Variants in ITPR2 observed in about 807,000 individuals in gnomAD.
The protein encoded by ITPR2 is inositol 1,4,5-trisphosphate receptor type 2.
In ITPR2, 207 loss-of-function variants were observed where a neutral mutation model predicts 317.1. The ratio of observed to expected loss-of-function variants is 0.65; its 90% CI spans 0.58 to 0.73. ITPR2 has a LOEUF of 0.73. Ranked by LOEUF, ITPR2 falls within the 30% of genes least tolerant of loss-of-function variation. ITPR2 has a pLI of 0.00. For synonymous variants in ITPR2, 1,156 were observed against 1,149.1 expected (o/e 1.01, Z -0.12); for missense variants, 2,613 against 3,284.0 (o/e 0.80, Z 4.99).
intron 55 of ITPR2, among the ~76,000 whole-genome samples, chr12:26,342,046 G>A (rs185667942): frequency 6.6e-6 from 1 of 152,290 alleles, no homozygotes; most frequent in African/African-American, 2.4e-5. Flanking sequence ...ACCTAACAGG[G>A]GCCCATGAAA....
rs148692020 is a variant in ITPR2, at chr12:26,598,205, A to G, written c.4002+940T>C. ...TGCAGATAAGAAAAAGGTGCATTTT[A>G]CAAGCTTAAAATGTTCCTTAAAATG... On this transcript the variant is annotated intron_variant, in intron 30 of 56. Coordinates refer to ENST00000381340, the MANE Select transcript of ITPR2 (RefSeq NM_002223.4). Among the ~76,000 whole-genome samples the G allele has an allele frequency of 4.5e-3, 689 of 152,320 alleles. 1 individual carries two copies. The highest frequency in any genetic ancestry group is 0.016 in the African/African-American group (645 of 41,574).
intron 2 of ITPR2, among the ~76,000 whole-genome samples, chr12:26,771,398 T>G (rs1356945376): frequency 6.6e-6 from 1 of 152,192 alleles, no homozygotes; most frequent in African/African-American, 2.4e-5. Context: ...ATGACAGAGC[T>G]GCCAAGATGG....
chr12:26,589,234 T>C (rs1182734482), intron 32 of ITPR2, among the ~76,000 whole-genome samples: 3 of 152,172 alleles, frequency 2.0e-5, no homozygotes, highest in African/African-American at 2.4e-5. Flanking sequence ...GGAATAAGAA[T>C]GTGAAACAAT....
chr12:26,536,391 TC>T (rs1944091074), intron 37 of ITPR2, among the ~76,000 whole-genome samples: 1 of 152,102 alleles, frequency 6.6e-6, no homozygotes, highest in African/African-American at 2.4e-5. Flanking sequence ...TAGTCCCCTG[TC>T]TTAAACAGCT....
intron 2 of ITPR2, among the ~76,000 whole-genome samples, chr12:26,787,095 GAGGCACTTGGTC>G (rs1310413870): frequency 1.3e-5 from 2 of 152,244 alleles, no homozygotes; most frequent in Admixed American, 6.5e-5. Context: ...GCAAAAGGAT[GAGGCACTTGGTC>G]AGGCACTGTC....
intron 10 of ITPR2, among the ~76,000 whole-genome samples, chr12:26,691,332 G>A (rs1443839689): frequency 1.3e-5 from 2 of 152,054 alleles, no homozygotes; most frequent in African/African-American, 4.8e-5. Flanking sequence ...TAAGAAAAAA[G>A]ACACAGAAAC....
At chr12:26,655,201 T>C (rs938520026) in intron 20 of ITPR2, among the ~76,000 whole-genome samples, 55 of 152,246 alleles carry the variant, frequency 3.6e-4, no homozygotes, top group African/African-American at 1.3e-3. Context: ...TGCCTTTCTT[T>C]ATTACATGCA....
chr12:26,606,190 G>GA (rs10701660), intron 26 of ITPR2, among the ~76,000 whole-genome samples: 83,158 of 148,064 alleles, frequency 0.56, 23,661 homozygotes, highest in East Asian at 0.89. Flanking sequence ...AATGGGCCTA[G>GA]AAAAAAAAAA....
chr12:26,411,728 G>T (rs1354303627), intron 51 of ITPR2, among the ~76,000 whole-genome samples: 2 of 152,106 alleles, frequency 1.3e-5, no homozygotes, highest in East Asian at 1.9e-4. Flanking sequence ...CTCATTCAGG[G>T]TTCTGACTTG....
rs969951629 is a variant in ITPR2 at position 26,556,793 on chromosome 12, T to A, written c.4822-418A>T. ...AGCTTAAAAAAAAAAAAAAAAAAAA[T>A]TCCAGCCAGGTGCGGTGCCTCACGC... is the stretch of plus-strand genomic sequence containing the variant. On this transcript the variant is annotated intron_variant, in intron 35 of 56. Transcript: ENST00000381340. Among the ~76,000 whole-genome samples, 48 of 79,872 alleles carry A rather than the reference T, an allele frequency of 6.0e-4. 1 individual carries two copies. The highest frequency in any genetic ancestry group is 2.6e-3 in the East Asian group (11 of 4,252). The allele number at this position is 79,872 out of a possible 152,430, so 52.4% of individuals were successfully genotyped here. A position where few individuals can be genotyped will look rare whatever the true frequency, so the allele number is the denominator to read the frequency against.
chr12:26,757,375 C>G (rs1949543819), intron 2 of ITPR2, among the ~76,000 whole-genome samples: 1 of 152,078 alleles, frequency 6.6e-6, no homozygotes, highest in Admixed American at 6.5e-5. Flanking sequence ...ACCACCATGC[C>G]TGGCTAATTT....
At position 26,693,665 on chromosome 12, in the gene ITPR2, A is replaced by C. The variant is rs1449358652; in HGVS notation, c.996+1941T>G. ...ATATTTTGGTGTTTTTGATCTGTGG[A>C]TGTTTGAATACACAGATGCAAAACC... is the stretch of plus-strand genomic sequence containing the variant. On this transcript the variant is annotated intron_variant, in intron 10 of 56. Coordinates refer to ENST00000381340, the MANE Select transcript of ITPR2 (RefSeq NM_002223.4). Among the ~76,000 whole-genome samples the C allele has an allele frequency of 2.2e-4, 33 of 152,192 alleles. 1 individual carries two copies. Among genetic ancestry groups the C allele is most frequent in the Admixed American group, 2.1e-3 (32 of 15,284 alleles).
At chr12:26,486,803 C>A in intron 40 of ITPR2, 1 of 626,608 alleles carries the variant, frequency 1.6e-6, no homozygotes, top group Non-Finnish European at 3.0e-6. Flanking sequence ...AGATTTGGGG[C>A]AGTTACTATT....
chr12:26,391,558 T>TC lies in ITPR2; in HGVS notation c.7697-3965_7697-3964insG, dbSNP rs1253958062. Among the ~76,000 whole-genome samples, 241 of 60,454 alleles carry TC rather than the reference T, an allele frequency of 4.0e-3. 15 individuals carry two copies. Among genetic ancestry groups the TC allele is most frequent in the African/African-American group, 0.014 (222 of 16,006 alleles). 39.7% of individuals were successfully genotyped at this position (60,454 alleles called of 152,430 possible). A position where few individuals can be genotyped will look rare whatever the true frequency, so the allele number is the denominator to read the frequency against. On this transcript the variant is annotated intron_variant, in intron 54 of 56. Transcript: ENST00000381340. ...TTCTTCTTCTTCTTCTTCTTTTCCT[T>TC]TTTTTTTTTTTTTTTTTTTTTTTTT... is the stretch of plus-strand genomic sequence containing the variant.
At chr12:26,455,028 T>C (rs1446209835) in intron 45 of ITPR2, among the ~76,000 whole-genome samples, 1 of 152,112 alleles carries the variant, frequency 6.6e-6, no homozygotes, top group Admixed American at 6.6e-5. Flanking sequence ...CTGTTTCTCA[T>C]AGTCTTGACA....
intron 2 of ITPR2, among the ~76,000 whole-genome samples, chr12:26,767,809 A>G (rs1439780904): frequency 6.6e-6 from 1 of 152,204 alleles, no homozygotes; most frequent in Middle Eastern, 3.2e-3. Flanking sequence ...TTCTTCCATT[A>G]TAAATAATCC....
At chr12:26,804,599 T>C (rs906419141) in intron 1 of ITPR2, among the ~76,000 whole-genome samples, 2 of 152,192 alleles carry the variant, frequency 1.3e-5, no homozygotes, top group Admixed American at 1.3e-4. Context: ...AATTAAATCA[T>C]TTCCCTCGCT....
intron 55 of ITPR2, among the ~76,000 whole-genome samples, chr12:26,355,776 C>T (rs1938620248): frequency 6.6e-6 from 1 of 152,136 alleles, no homozygotes; most frequent in Non-Finnish European, 1.5e-5. Context: ...GGTCTCTGAG[C>T]TTTCCAAAAA....
At chr12:26,645,065 A>AC (rs1471793490) in intron 21 of ITPR2, among the ~76,000 whole-genome samples, 1 of 151,860 alleles carries the variant, frequency 6.6e-6, no homozygotes, top group African/African-American at 2.4e-5. Context: ...CTGCATCACA[A>AC]CCCAACTTCT....
Sources: gnomAD v4.1 joint callset for allele counts (sites outside exome capture counted in the v4.1 genomes callset) on GRCh38, gnomAD v4.1.1 for gene constraint, MANE v1.5 for transcripts, NCBI Gene and HGNC (gene_info 2026-07-23, HGNC 2026-07-21) for gene names.